The following TCF12 variants were observed in gnomAD, a reference collection of about 807,000 sequenced individuals.
The protein encoded by TCF12 is transcription factor 12.
TCF12 carries 45 observed loss-of-function variants against 86.0 expected under a neutral mutation model. That is an observed-to-expected ratio of 0.52 (90% CI 0.41 to 0.67). The LOEUF is 0.67. Among genes scored for constraint, TCF12 ranks in the 30% least tolerant of loss-of-function variants. TCF12 has a pLI of 0.00. For synonymous variants in TCF12, 330 were observed against 299.6 expected (o/e 1.10, Z -1.05); for missense variants, 881 against 859.9 (o/e 1.02, Z -0.31).
intron 5 of TCF12, among the ~76,000 whole-genome samples, chr15:57,125,561 A>G (rs541716507): frequency 1.6e-4 from 24 of 152,354 alleles, no homozygotes; most frequent in African/African-American, 4.6e-4. Flanking sequence ...CAAGCCAACA[A>G]TGAATTTCTG....
At chr15:56,947,896 G>A (rs1273071081) in intron 3 of TCF12, among the ~76,000 whole-genome samples, 2 of 152,146 alleles carry the variant, frequency 1.3e-5, no homozygotes, top group African/African-American at 4.8e-5. Flanking sequence ...CTAAATGGTG[G>A]CCTTGCATGG....
In TCF12 at chr15:57,283,851, T is replaced by A. The variant is rs150184193; in HGVS notation, c.*11+1253T>A. On this transcript the variant is annotated intron_variant, in intron 20 of 20. Transcript: ENST00000333725. ...ATATATAGGGTCAAATGAGACTACA[T>A]ATAGGGTCAAATGAGACTACATATA... Among the ~76,000 whole-genome samples, 809 of 152,288 alleles carry A rather than the reference T, an allele frequency of 5.3e-3. 11 individuals carry two copies. Among genetic ancestry groups the A allele is most frequent in the African/African-American group, 0.019 (771 of 41,540 alleles).
intron 6 of TCF12, among the ~76,000 whole-genome samples, chr15:57,182,369 T>C (rs1328508145): frequency 6.6e-6 from 1 of 152,132 alleles, no homozygotes. Flanking sequence ...AGCACTTGAT[T>C]TTTTAATTGT....
At chr15:57,191,935 GA>G (rs1423717591) in intron 6 of TCF12, among the ~76,000 whole-genome samples, 4 of 134,538 alleles carry the variant, frequency 3.0e-5, no homozygotes, top group South Asian at 2.3e-4. Context: ...CTCCATCTCA[GA>G]AAAAAAAAAG....
chr15:57,282,948 A>T (rs1425572977), intron 20 of TCF12, among the ~76,000 whole-genome samples: 1 of 152,180 alleles, frequency 6.6e-6, no homozygotes, highest in African/African-American at 2.4e-5. Flanking sequence ...CATGTTCTTC[A>T]TTTCTTTATT....
At chr15:57,152,879 A>G (rs2053863540) in intron 5 of TCF12, among the ~76,000 whole-genome samples, 1 of 151,976 alleles carries the variant, frequency 6.6e-6, no homozygotes, top group Non-Finnish European at 1.5e-5. Flanking sequence ...CACACCACAC[A>G]TATTCCCTTA....
At chr15:57,100,469 G>T (rs960049226) in intron 5 of TCF12, among the ~76,000 whole-genome samples, 1 of 148,512 alleles carries the variant, frequency 6.7e-6, no homozygotes, top group African/African-American at 2.5e-5. Flanking sequence ...TGCTGTGTTG[G>T]CCAGATTGGT....
chr15:57,215,688 T>G (rs1359530096), intron 8 of TCF12, among the ~76,000 whole-genome samples: 1 of 152,154 alleles, frequency 6.6e-6, no homozygotes, highest in Non-Finnish European at 1.5e-5. Flanking sequence ...GTTAACTAAT[T>G]CAAGATACAT....
intron 12 of TCF12, among the ~76,000 whole-genome samples, chr15:57,239,688 C>T (rs2059532751): frequency 6.6e-6 from 1 of 151,924 alleles, no homozygotes; most frequent in Admixed American, 6.6e-5. Context: ...GTCCCAGAAA[C>T]ATTAGAGAAT....
At chr15:57,150,815 A>G (rs1049843122) in intron 5 of TCF12, among the ~76,000 whole-genome samples, 3 of 151,962 alleles carry the variant, frequency 2.0e-5, no homozygotes, top group African/African-American at 7.2e-5. Context: ...TATGAAAAAA[A>G]CGGAATTTAT....
chr15:57,230,494 TG>T, intron 8 of TCF12, among the ~76,000 whole-genome samples: 1 of 152,192 alleles, frequency 6.6e-6, no homozygotes, highest in East Asian at 1.9e-4. Flanking sequence ...GTTTATAGTT[TG>T]CTTATCTAAA....
chr15:57,253,427 G>A lies in TCF12; in HGVS notation c.1426G>A (p.Gly476Arg), dbSNP rs1190912786. Residue 476 changes from glycine to arginine, a missense_variant, in exon 16 of 21, where the codon GGA becomes AGA. Around this residue, in one of 3 missense-constraint regions of TCF12, gnomAD observed 766 missense variants for 718.9 expected, o/e 1.07. Transcript: ENST00000333725. ...AATTGGAAGCCTCAATTCAAACTAT[G>A]GAGGATCAAGCCTTGTTGCAAGCAG... ...APIGSLNSNYGGSSLVASSRS... is the reference protein window; with the variant it reads ...APIGSLNSNYRGSSLVASSRS... 2 of 1,613,936 alleles carry A rather than the reference G, an allele frequency of 1.2e-6. No individual in the cohort carries two copies. The highest frequency in any genetic ancestry group is 2.7e-5 in the African/African-American group (2 of 74,908).
chr15:57,075,014 T>C (rs1253414107), intron 4 of TCF12, among the ~76,000 whole-genome samples: 1 of 130,034 alleles, frequency 7.7e-6, no homozygotes, highest in Non-Finnish European at 1.6e-5. Flanking sequence ...CTTCAACATA[T>C]TGAACTGATG....
intron 4 of TCF12, among the ~76,000 whole-genome samples, chr15:57,087,125 C>G (rs1442657613): frequency 6.6e-6 from 1 of 151,534 alleles, no homozygotes; most frequent in Non-Finnish European, 1.5e-5. Flanking sequence ...CTCCCTACCC[C>G]CCTGCTCACC....
At chr15:57,249,302 T>A (rs986590460) in intron 13 of TCF12, among the ~76,000 whole-genome samples, 12 of 152,150 alleles carry the variant, frequency 7.9e-5, no homozygotes, top group Non-Finnish European at 1.5e-4. Flanking sequence ...TTTGTTTCAA[T>A]GAGCAATTTT....
At chr15:57,216,027 C>T (rs975420247) in intron 8 of TCF12, among the ~76,000 whole-genome samples, 3 of 152,074 alleles carry the variant, frequency 2.0e-5, no homozygotes, top group Admixed American at 6.6e-5. Context: ...TTTCCTATAT[C>T]GTCAGTAAAG....
intron 6 of TCF12, among the ~76,000 whole-genome samples, chr15:57,168,933 C>T (rs572813705): frequency 2.6e-4 from 39 of 152,216 alleles, no homozygotes; most frequent in African/African-American, 9.4e-4. Flanking sequence ...GTAATCCCAG[C>T]TACTTGGGAA....
intron 4 of TCF12, among the ~76,000 whole-genome samples, chr15:57,077,684 G>A (rs1322222201): frequency 2.0e-5 from 3 of 149,550 alleles, no homozygotes; most frequent in Non-Finnish European, 4.4e-5. Context: ...TGCCTGCCTC[G>A]GCTTCCCAAA....
At chr15:57,179,216 G>A (rs7173748) in intron 6 of TCF12, among the ~76,000 whole-genome samples, 44,811 of 151,982 alleles carry the variant, frequency 0.29, 8,126 homozygotes, top group African/African-American at 0.51. Flanking sequence ...GACTGGGCAC[G>A]GGACTCATGC....
Sources: gnomAD v4.1 joint callset for allele counts (sites outside exome capture counted in the v4.1 genomes callset) on GRCh38, gnomAD v4.1.1 for gene constraint, gnomAD v4.1.1 regional missense constraint, MANE v1.5 for transcripts, NCBI Gene and HGNC (gene_info 2026-07-23, HGNC 2026-07-21) for gene names.